The following FBXL20 variants were observed in gnomAD, a reference collection of about 807,000 sequenced individuals.
The protein encoded by FBXL20 is F-box and leucine rich repeat protein 20, also known as F-box/LRR-repeat protein 20.
In FBXL20, 11 loss-of-function variants were observed where a neutral mutation model predicts 64.0. The ratio of observed to expected loss-of-function variants is 0.17; its 90% confidence interval spans 0.11 to 0.28. FBXL20 has a LOEUF of 0.28. FBXL20 is among the 10% of genes least tolerant of loss of function. The pLI is 1.00. For synonymous variants in FBXL20, 184 were observed against 189.0 expected (o/e 0.97, Z 0.22); for missense variants, 303 against 526.2 (o/e 0.58, Z 4.15).
At chr17:39,298,493 A>C (rs915994198) in intron 5 of FBXL20, among the ~76,000 whole-genome samples, 2 of 152,112 alleles carry the variant, frequency 1.3e-5, no homozygotes, top group African/African-American at 4.8e-5. Flanking sequence ...CTGAGGCAAG[A>C]GGACTGCTTG....
At chr17:39,353,895 G>C (rs1271582969) in intron 1 of FBXL20, among the ~76,000 whole-genome samples, 1 of 151,914 alleles carries the variant, frequency 6.6e-6, no homozygotes, top group Non-Finnish European at 1.5e-5. Context: ...AAGTGCTGGG[G>C]TTACAAGAGT....
chr17:39,261,648 A>G (rs1054830994), intron 14 of FBXL20, 81 bp from the exon 15 acceptor site: 1 of 1,036,860 alleles, frequency 9.6e-7, no homozygotes, highest in Non-Finnish European at 1.5e-6. Flanking sequence ...AAAACTACCG[A>G]GGGGCTCAAT....
At chr17:39,298,094 A>T (rs1001433127) in intron 5 of FBXL20, among the ~76,000 whole-genome samples, 1 of 152,014 alleles carries the variant, frequency 6.6e-6, no homozygotes, top group Non-Finnish European at 1.5e-5. Context: ...ATTTTAAATT[A>T]AAAAAATAAA....
chr17:39,275,546 G>A (rs1054681702), intron 9 of FBXL20, among the ~76,000 whole-genome samples: 14 of 151,802 alleles, frequency 9.2e-5, no homozygotes, highest in African/African-American at 3.4e-4. Flanking sequence ...TGACTAGCTG[G>A]GACTACAAGT....
chr17:39,362,309 T>G (rs2047804209), intron 1 of FBXL20, among the ~76,000 whole-genome samples: 1 of 146,284 alleles, frequency 6.8e-6, no homozygotes. Context: ...AAAAGAAAAA[T>G]GCTTTCTTGG....
intron 1 of FBXL20, among the ~76,000 whole-genome samples, chr17:39,394,391 G>C (rs1185479573): frequency 6.7e-6 from 1 of 149,760 alleles, no homozygotes; most frequent in African/African-American, 2.5e-5. Context: ...TCCTGCCTCA[G>C]CCTCCCGAGT....
chr17:39,393,545 C>T (rs1358629747), intron 1 of FBXL20, among the ~76,000 whole-genome samples: 1 of 152,130 alleles, frequency 6.6e-6, no homozygotes, highest in Non-Finnish European at 1.5e-5. Context: ...TACTCACTTA[C>T]ATGGAATTGG....
rs772600734 is a variant in FBXL20, at chr17:39,261,526, A to C, written c.1245T>G (p.Pro415=). ...PNIKVHAYFA[P]VTPPPSVGGS... is the part of the protein sequence containing the mutation. ...CCCCTACTGATGGGGGTGGAGTGAC[A>C]GGTGCGAAGTAGGCGTGGACTTTAA... Residue 415 remains proline (P), a synonymous_variant, in exon 15 of 15, where the codon CCT becomes CCG. Transcript: ENST00000264658. 6.2e-7 allele frequency: 1 copy of C among 1,613,938 alleles called. No individual in the cohort carries two copies.
At chr17:39,295,569 T>C (rs1409620791) in intron 6 of FBXL20, among the ~76,000 whole-genome samples, 1 of 152,176 alleles carries the variant, frequency 6.6e-6, no homozygotes, top group Non-Finnish European at 1.5e-5. Context: ...CATGTGTTTT[T>C]AATTTGTAGG....
intron 1 of FBXL20, among the ~76,000 whole-genome samples, chr17:39,400,339 T>C (rs1290160144): frequency 6.6e-6 from 1 of 152,212 alleles, no homozygotes; most frequent in African/African-American, 2.4e-5. Context: ...ACCCTGAACC[T>C]AGTTGTCGAG....
At chr17:39,370,621 C>G (rs1253848714) in intron 1 of FBXL20, among the ~76,000 whole-genome samples, 2 of 144,630 alleles carry the variant, frequency 1.4e-5, no homozygotes, top group Non-Finnish European at 3.0e-5. Context: ...CCCGTCTCTA[C>G]TAAAAAAAAA....
chr17:39,327,120 A>T lies in FBXL20; in HGVS notation c.104+16060T>A, dbSNP rs143045982. The stretch of plus-strand genomic sequence containing the variant: ...AGGCTAGTCTTAAACTCCTGACTTC[A>T]AATGATCCACCCGCCTTGGCCTCCC... On this transcript the variant is annotated intron_variant, in intron 2 of 14. Transcript: ENST00000264658. Among the ~76,000 whole-genome samples, 415 of 152,224 alleles carry T rather than the reference A, an allele frequency of 2.7e-3. 1 individual carries two copies. The highest frequency in any genetic ancestry group is 9.3e-3 in the African/African-American group (387 of 41,536).
At chr17:39,265,198 T>A (rs137980807) in intron 13 of FBXL20, among the ~76,000 whole-genome samples, 199 bp downstream of exon 13, 1 of 152,232 alleles carries the variant, frequency 6.6e-6, no homozygotes, top group Non-Finnish European at 1.5e-5. Context: ...AGCATTGATA[T>A]AGAAAACATT....
intron 9 of FBXL20, among the ~76,000 whole-genome samples, chr17:39,278,796 C>T (rs368596859): frequency 0.11 from 15,472 of 146,038 alleles, 871 homozygotes; most frequent in African/African-American, 0.15. Context: ...TCCACCGTCT[C>T]GGCCTCCCAA....
intron 1 of FBXL20, among the ~76,000 whole-genome samples, chr17:39,382,172 G>T (rs1168798242): frequency 6.9e-6 from 1 of 145,258 alleles, no homozygotes; most frequent in Non-Finnish European, 1.5e-5. Flanking sequence ...GGCTTGGCGC[G>T]GTGGCTCACG....
chr17:39,290,033 A>G (rs1237856784), intron 6 of FBXL20, among the ~76,000 whole-genome samples: 2 of 139,322 alleles, frequency 1.4e-5, no homozygotes, highest in African/African-American at 2.7e-5. Context: ...AAAAAATTCT[A>G]TGTTTATTTC....
chr17:39,352,712 A>C (rs2144593965), intron 1 of FBXL20, among the ~76,000 whole-genome samples: 1 of 151,964 alleles, frequency 6.6e-6, no homozygotes, highest in Admixed American at 6.6e-5. Flanking sequence ...AGAAGAAAAA[A>C]AAGGAAAGAA....
At chr17:39,344,727 T>C (rs1403955251) in intron 1 of FBXL20, among the ~76,000 whole-genome samples, 1 of 152,172 alleles carries the variant, frequency 6.6e-6, no homozygotes, top group Non-Finnish European at 1.5e-5. Context: ...GCTGCAGAGC[T>C]TGCAGTGAGC....
Position 39,256,320 on chromosome 17 carries a change from C to CAAAAAAA in FBXL20, c.*5133_*5139dup, listed in dbSNP as rs34975638. On this transcript the variant is annotated 3_prime_UTR_variant, in exon 15 of 15. Coordinates refer to ENST00000264658, the MANE Select transcript of FBXL20 (RefSeq NM_032875.3). Reference sequence around the variant, plus strand: ...TGGGTGACAGAGCGAGACTCCATGTCAAAAAAAAAAAAAAAAAAAAGAAAT... The same window carrying CAAAAAAA: ...TGGGTGACAGAGCGAGACTCCATGTCAAAAAAAAAAAAAAAAAAAAAAAAAAAGAAAT... The CAAAAAAA allele has an allele frequency of 3.3e-5, 3 of 92,006 alleles. No individual in the cohort carries two copies. Among genetic ancestry groups the CAAAAAAA allele is most frequent in the Non-Finnish European group, 4.5e-5 (2 of 44,084 alleles). 5.7% of individuals were successfully genotyped at this position (92,006 alleles called of 1,614,324 possible).
Sources: allele counts gnomAD v4.1 joint callset (sites outside exome capture counted in the v4.1 genomes callset), GRCh38; gene constraint gnomAD v4.1.1; transcripts MANE v1.5; gene names NCBI Gene and HGNC (gene_info 2026-07-23, HGNC 2026-07-21).